Variants in OPCML observed in about 807,000 individuals in gnomAD.
OPCML encodes the protein opioid-binding protein/cell adhesion molecule.
OPCML carries 13 observed loss-of-function variants against 37.8 expected under a neutral mutation model. The observed-to-expected ratio is 0.34, with a 90% CI of 0.22 to 0.55. OPCML has a LOEUF of 0.55. Among genes scored for constraint, OPCML ranks in the 20% least tolerant of loss-of-function variants. The pLI, the probability that OPCML is intolerant of heterozygous loss-of-function variation, is 0.91. For synonymous variants in OPCML, 176 were observed against 168.8 expected (o/e 1.04, Z -0.33); for missense variants, 341 against 435.6 (o/e 0.78, Z 1.93).
chr11:132,897,306 C>G (rs942976508), intron 2 of OPCML, among the ~76,000 whole-genome samples: 3 of 152,140 alleles, frequency 2.0e-5, no homozygotes, highest in Admixed American at 2.0e-4. Context: ...TTAATAGAAA[C>G]TGAACGCTTG....
chr11:132,772,953 C>CAT (rs1946691767), intron 2 of OPCML: 1 of 152,184 alleles, frequency 6.6e-6, no homozygotes, highest in African/African-American at 2.4e-5. Flanking sequence ...AGCAGGGGAC[C>CAT]TGGTAATAGA....
intron 1 of OPCML, among the ~76,000 whole-genome samples, chr11:133,448,371 C>A (rs1044581414): frequency 6.6e-6 from 1 of 152,138 alleles, no homozygotes; most frequent in Non-Finnish European, 1.5e-5. Flanking sequence ...ATTTTTTCCC[C>A]GAACATTCAA....
At chr11:133,007,730 C>T (rs1258426336) in intron 1 of OPCML, 1 of 985,266 alleles carries the variant, frequency 1.0e-6, no homozygotes, top group Non-Finnish European at 1.2e-6. Flanking sequence ...TGGAAGCAGA[C>T]CCAGGCCCAC....
intron 1 of OPCML, among the ~76,000 whole-genome samples, chr11:133,444,105 G>T (rs187259780): frequency 3.2e-4 from 48 of 152,106 alleles, no homozygotes; most frequent in African/African-American, 1.2e-3. Flanking sequence ...GGGGAGACAC[G>T]GCCTTTTCTA....
intron 1 of OPCML, among the ~76,000 whole-genome samples, chr11:133,197,950 CTTCA>C (rs768252284): frequency 6.6e-6 from 1 of 152,194 alleles, no homozygotes; most frequent in Non-Finnish European, 1.5e-5. Flanking sequence ...CTCCAGGAGG[CTTCA>C]CTGCACAACC....
At chr11:133,158,708 T>TA (rs1387266864) in intron 1 of OPCML, among the ~76,000 whole-genome samples, 18 of 108,964 alleles carry the variant, frequency 1.7e-4, no homozygotes, top group Admixed American at 9.5e-4. Flanking sequence ...AAAAATAAAA[T>TA]TAAAAAAATA....
chr11:133,218,608 G>A (rs1173525800), intron 1 of OPCML, among the ~76,000 whole-genome samples: 4 of 152,314 alleles, frequency 2.6e-5, no homozygotes, highest in Middle Eastern at 6.8e-3. Flanking sequence ...CCACGGCGAA[G>A]AGTAGCCCAA....
At chr11:132,840,932 G>C (rs1199464899) in intron 2 of OPCML, among the ~76,000 whole-genome samples, 1 of 152,110 alleles carries the variant, frequency 6.6e-6, no homozygotes, top group South Asian at 2.1e-4. Flanking sequence ...CCAGGGCCCA[G>C]GTGGACCTCC....
chr11:132,566,595 C>A (rs1479770815), intron 3 of OPCML, among the ~76,000 whole-genome samples: 1 of 152,204 alleles, frequency 6.6e-6, no homozygotes, highest in Non-Finnish European at 1.5e-5. Flanking sequence ...ACAATAATTT[C>A]TGTTGAGAGA....
chr11:132,672,953 G>A (rs1241195435), intron 2 of OPCML, among the ~76,000 whole-genome samples: 1 of 151,846 alleles, frequency 6.6e-6, no homozygotes, highest in Non-Finnish European at 1.5e-5. Flanking sequence ...AATATTTTGG[G>A]GCTTCAGATT....
chr11:133,510,418 C>G (rs1340163173), intron 1 of OPCML, among the ~76,000 whole-genome samples: 1 of 152,144 alleles, frequency 6.6e-6, no homozygotes, highest in Non-Finnish European at 1.5e-5. Context: ...ACACCCCAAG[C>G]CTTCTCATTT....
At chr11:133,452,466 A>G (rs1022871475) in intron 1 of OPCML, among the ~76,000 whole-genome samples, 1 of 151,372 alleles carries the variant, frequency 6.6e-6, no homozygotes, top group African/African-American at 2.5e-5. Context: ...ATTAGTTTAT[A>G]TAGTATGATA....
intron 1 of OPCML, among the ~76,000 whole-genome samples, chr11:133,265,926 G>A (rs2136467430): frequency 6.6e-6 from 1 of 152,258 alleles, no homozygotes; most frequent in African/African-American, 2.4e-5. Flanking sequence ...TGCAGGCATC[G>A]GGTAATTAGT....
chr11:133,518,629 A>G (rs1382527141), intron 1 of OPCML, among the ~76,000 whole-genome samples: 1 of 150,082 alleles, frequency 6.7e-6, no homozygotes, highest in Non-Finnish European at 1.5e-5. Context: ...GGGCAGTGGC[A>G]GGTGCTGGTG....
intron 1 of OPCML, among the ~76,000 whole-genome samples, chr11:133,496,533 G>A (rs998678557): frequency 1.3e-5 from 2 of 152,160 alleles, no homozygotes; most frequent in Admixed American, 6.5e-5. Flanking sequence ...ATCCATGAGC[G>A]TGGGATGTGT....
At chr11:133,483,828 G>GATA (rs1555165667) in intron 1 of OPCML, among the ~76,000 whole-genome samples, 2 of 144,276 alleles carry the variant, frequency 1.4e-5, no homozygotes, top group Admixed American at 7.1e-5. Flanking sequence ...TAGATAGATA[G>GATA]GATGGATACA....
intron 2 of OPCML, among the ~76,000 whole-genome samples, chr11:132,750,040 G>A (rs1945778774): frequency 6.6e-6 from 1 of 151,966 alleles, no homozygotes; most frequent in Admixed American, 6.6e-5. Context: ...CTGCCACCAT[G>A]CCTGGTTAAT....
intron 2 of OPCML, among the ~76,000 whole-genome samples, chr11:132,832,418 A>T (rs1433668913): frequency 6.6e-6 from 1 of 152,162 alleles, no homozygotes; most frequent in Non-Finnish European, 1.5e-5. Context: ...CCTCATTCCA[A>T]CCAAAGAATA....
chr11:132,798,677 C>G (rs1324170302), intron 2 of OPCML, among the ~76,000 whole-genome samples: 1 of 152,148 alleles, frequency 6.6e-6, no homozygotes, highest in East Asian at 1.9e-4. Context: ...ATATTTTGAC[C>G]TCCTTTCATG....
Sources: gnomAD v4.1 joint callset for allele counts (sites outside exome capture counted in the v4.1 genomes callset) on GRCh38, gnomAD v4.1.1 for gene constraint, MANE v1.5 for transcripts, NCBI Gene and HGNC (gene_info 2026-07-23, HGNC 2026-07-21) for gene names.